The following SLC10A7 variants were observed in gnomAD, a reference collection of about 807,000 sequenced individuals.
The protein encoded by SLC10A7 is solute carrier family 10 member 7, also known as sodium/bile acid cotransporter 7.
In SLC10A7, 29 loss-of-function variants were observed where a neutral mutation model predicts 43.2. The observed-to-expected ratio is 0.67, with a 90% CI of 0.50 to 0.92. The LOEUF is 0.92. Among genes scored for constraint, SLC10A7 ranks in the 40% least tolerant of loss-of-function variants. SLC10A7 has a pLI of 0.00. For synonymous variants in SLC10A7, 152 were observed against 144.8 expected (o/e 1.05, Z -0.35); for missense variants, 295 against 403.2 (o/e 0.73, Z 2.30).
chr4:146,515,250 C>A, intron 2 of SLC10A7: 2 of 683,528 alleles, frequency 2.9e-6, no homozygotes, highest in South Asian at 3.1e-5. Flanking sequence ...GAGCAACGCC[C>A]CAAGTAAAGG....
At chr4:146,266,516 C>T (rs1728568762) in intron 10 of SLC10A7, among the ~76,000 whole-genome samples, 1 of 152,070 alleles carries the variant, frequency 6.6e-6, no homozygotes, top group Non-Finnish European at 1.5e-5. Flanking sequence ...AACTCACAGC[C>T]ACTGATTTAT....
At chr4:146,405,379 C>T (rs1304160371) in intron 5 of SLC10A7, among the ~76,000 whole-genome samples, 2 of 152,112 alleles carry the variant, frequency 1.3e-5, no homozygotes, top group Non-Finnish European at 2.9e-5. Flanking sequence ...AATAAATTGG[C>T]ACCACAATAA....
intron 5 of SLC10A7, among the ~76,000 whole-genome samples, chr4:146,386,220 T>G (rs1737982859): frequency 6.6e-6 from 1 of 152,178 alleles, no homozygotes; most frequent in African/African-American, 2.4e-5. Context: ...AATTCCTTTT[T>G]CTCTGCAGCA....
intron 5 of SLC10A7, among the ~76,000 whole-genome samples, chr4:146,350,233 T>C (rs1734953240): frequency 6.6e-6 from 1 of 150,648 alleles, no homozygotes; most frequent in African/African-American, 2.4e-5. Flanking sequence ...GCGCAAGGGG[T>C]CAGGGAGTTC....
chr4:146,389,373 G>A (rs936669401), intron 5 of SLC10A7, among the ~76,000 whole-genome samples: 4 of 151,198 alleles, frequency 2.6e-5, no homozygotes, highest in Admixed American at 6.6e-5. Flanking sequence ...TCTCTGCCAT[G>A]TGGAGACACA....
At chr4:146,371,134 T>C (rs377508443) in intron 5 of SLC10A7, among the ~76,000 whole-genome samples, 1 of 152,202 alleles carries the variant, frequency 6.6e-6, no homozygotes, top group Non-Finnish European at 1.5e-5. Context: ...TCTTACAATG[T>C]GATATGTACT....
At chr4:146,372,341 C>A (rs951079910) in intron 5 of SLC10A7, among the ~76,000 whole-genome samples, 3 of 151,702 alleles carry the variant, frequency 2.0e-5, no homozygotes, top group African/African-American at 7.3e-5. Context: ...TTAGTCCAAG[C>A]TACTCAGGAG....
chr4:146,419,690 G>T (rs1056480719), intron 5 of SLC10A7, among the ~76,000 whole-genome samples: 1 of 151,986 alleles, frequency 6.6e-6, no homozygotes, highest in African/African-American at 2.4e-5. Context: ...ATAAAAATTA[G>T]CCAGGCATGG....
At chr4:146,361,258 C>T (rs1270872337) in intron 5 of SLC10A7, among the ~76,000 whole-genome samples, 1 of 152,156 alleles carries the variant, frequency 6.6e-6, no homozygotes, top group Non-Finnish European at 1.5e-5. Context: ...ACAAATATTA[C>T]TTAAAGTTAA....
chr4:146,294,175 G>A, intron 7 of SLC10A7, 80 bp from the exon 8 acceptor site: 1 of 1,130,926 alleles, frequency 8.8e-7, no homozygotes, highest in Non-Finnish European at 1.2e-6. Flanking sequence ...GATTCTGACA[G>A]GAGAAAGACA....
chr4:146,261,918 G>A lies in SLC10A7; in HGVS notation c.848-3081C>T, dbSNP rs1363104466. The stretch of plus-strand genomic sequence containing the variant: ...CCCACTCCAGCGACTCGAGTCATAT[G>A]TTACTTGTTTTAGGAAACTTTATTT... On this transcript the variant is annotated intron_variant, in intron 10 of 11. Coordinates refer to ENST00000335472, the MANE Select transcript of SLC10A7 (RefSeq NM_001029998.6). Among the ~76,000 whole-genome samples the A allele has an allele frequency of 2.0e-5, 3 of 152,106 alleles. No homozygotes were observed. The East Asian group carries it at 5.8e-4, about 29-fold the overall frequency.
chr4:146,277,506 A>C (rs1458718032), intron 10 of SLC10A7, among the ~76,000 whole-genome samples: 2 of 152,112 alleles, frequency 1.3e-5, no homozygotes, highest in Non-Finnish European at 2.9e-5. Context: ...AATGACAGAC[A>C]CTCCCTCACT....
chr4:146,519,055 G>T (rs1738299927), intron 1 of SLC10A7, among the ~76,000 whole-genome samples: 2 of 89,240 alleles, frequency 2.2e-5, no homozygotes, highest in Non-Finnish European at 4.3e-5. Flanking sequence ...ACCAAGCTCA[G>T]GAAAAATCAC....
chr4:146,376,399 C>T (rs562100869), intron 5 of SLC10A7, among the ~76,000 whole-genome samples: 7 of 152,224 alleles, frequency 4.6e-5, no homozygotes, highest in Admixed American at 3.3e-4. Context: ...CCCCTGTTGT[C>T]CAGCCCAAAT....
intron 9 of SLC10A7, among the ~76,000 whole-genome samples, chr4:146,289,347 A>G (rs1456417932): frequency 2.6e-5 from 4 of 152,206 alleles, no homozygotes; most frequent in African/African-American, 9.6e-5. Context: ...ATCAGAATTA[A>G]AACACATATA....
At chr4:146,433,037 CA>C (rs996850084) in intron 5 of SLC10A7, among the ~76,000 whole-genome samples, 1 of 145,472 alleles carries the variant, frequency 6.9e-6, no homozygotes. Flanking sequence ...GACTCTGTCT[CA>C]AAAAAAAATC....
intron 4 of SLC10A7, among the ~76,000 whole-genome samples, chr4:146,473,292 T>A (rs976965283): frequency 6.6e-5 from 10 of 152,190 alleles, no homozygotes; most frequent in African/African-American, 1.4e-4. Context: ...CAGTTTTTTT[T>A]AAAAAAGGCT....
chr4:146,398,579 TAAGA>T (rs1738999950), intron 5 of SLC10A7, among the ~76,000 whole-genome samples: 1 of 152,162 alleles, frequency 6.6e-6, no homozygotes, highest in Non-Finnish European at 1.5e-5. Flanking sequence ...TTTGACATAA[TAAGA>T]AACAGATTTA....
chr4:146,276,859 TA>T (rs1437756223), intron 10 of SLC10A7, among the ~76,000 whole-genome samples: 1 of 151,680 alleles, frequency 6.6e-6, no homozygotes, highest in Admixed American at 6.6e-5. Context: ...GAGACTGAGG[TA>T]GGAGGATGGT....
Sources: allele counts gnomAD v4.1 joint callset (sites outside exome capture counted in the v4.1 genomes callset), GRCh38; gene constraint gnomAD v4.1.1; transcripts MANE v1.5; gene names NCBI Gene and HGNC (gene_info 2026-07-23, HGNC 2026-07-21).